The following FGF14 variants were observed in gnomAD, a reference collection of about 807,000 sequenced individuals.
FGF14 encodes fibroblast growth factor 14, also known as fibroblast growth factor homologous factor 4.
Under a neutral mutation model 25.5 loss-of-function variants are expected in FGF14, and 5 were observed. That is an observed-to-expected ratio of 0.20 (90% confidence interval 0.10 to 0.41). FGF14 has a LOEUF of 0.41. Among genes scored for constraint, FGF14 ranks in the 10% least tolerant of loss-of-function variants. The probability of loss-of-function intolerance (pLI) is 1.00; values close to 1 mark genes in which losing one functional copy is unlikely to be tolerated. For synonymous variants in FGF14, 138 were observed against 118.3 expected (o/e 1.17, Z -1.08); for missense variants, 222 against 320.1 (o/e 0.69, Z 2.34).
chr13:101,877,126 G>A (rs969218008), intron 1 of FGF14, among the ~76,000 whole-genome samples: 12 of 152,138 alleles, frequency 7.9e-5, no homozygotes, highest in African/African-American at 2.2e-4. Context: ...TAGATCAGGC[G>A]AGGCAGTGAG....
intron 1 of FGF14, among the ~76,000 whole-genome samples, chr13:102,061,416 A>G (rs1243476319): frequency 6.6e-6 from 1 of 152,240 alleles, no homozygotes; most frequent in Non-Finnish European, 1.5e-5. Context: ...CGTGGGGCAC[A>G]GAAGAAACGA....
rs2034808493 is a variant in FGF14, at chr13:101,718,560, T to C, written c.*4271A>G. 7.4e-6 allele frequency: 1 copy of C among 135,068 alleles called. No individual in the cohort carries two copies. Among genetic ancestry groups the C allele is most frequent in the South Asian group, 2.3e-4 (1 of 4,266 alleles). The allele number at this position is 135,068 out of a possible 1,614,324, so 8.4% of individuals were successfully genotyped here. A position where few individuals can be genotyped will look rare whatever the true frequency, so the allele number is the denominator to read the frequency against. On this transcript the variant is annotated 3_prime_UTR_variant, in exon 5 of 5. Transcript: ENST00000376143. The stretch of plus-strand genomic sequence containing the variant: ...GGTGTTGGCACTAACGCTGCTTGTT[T>C]GGCAAATCATCATCACTGAGGTATT...
At chr13:102,006,727 C>CTTTTTTTTTTT (rs774872814) in intron 1 of FGF14, among the ~76,000 whole-genome samples, 2 of 61,966 alleles carry the variant, frequency 3.2e-5, no homozygotes, top group African/African-American at 1.4e-4. Flanking sequence ...AATCTTACTT[C>CTTTTTTTTTTT]TTTTTTTTTT....
chr13:101,733,848 A>T (rs1249084258), intron 3 of FGF14, among the ~76,000 whole-genome samples: 1 of 151,466 alleles, frequency 6.6e-6, no homozygotes, highest in Non-Finnish European at 1.5e-5. Flanking sequence ...TTTATTAAAT[A>T]TTATATGTTA....
At chr13:101,996,590 C>T (rs1367680372) in intron 1 of FGF14, among the ~76,000 whole-genome samples, 1 of 152,146 alleles carries the variant, frequency 6.6e-6, no homozygotes, top group East Asian at 1.9e-4. Flanking sequence ...TGGTTGAAAT[C>T]TTGTCCCTGA....
chr13:102,052,461 CTGAAAATTTTTGAAAATT>C (rs1215803660), intron 1 of FGF14, among the ~76,000 whole-genome samples: 1 of 151,316 alleles, frequency 6.6e-6, no homozygotes, highest in Non-Finnish European at 1.5e-5. Context: ...AATTGGATTT[CTGAAAATTTTTGAAAATT>C]TGAAAAATTG....
At chr13:102,270,226 T>A (rs2053182149) in intron 1 of FGF14, among the ~76,000 whole-genome samples, 1 of 152,036 alleles carries the variant, frequency 6.6e-6, no homozygotes, top group Non-Finnish European at 1.5e-5. Flanking sequence ...ATATAGTAAA[T>A]GTCTTTCATC....
At chr13:101,991,221 T>C (rs901423510) in intron 1 of FGF14, among the ~76,000 whole-genome samples, 4 of 152,152 alleles carry the variant, frequency 2.6e-5, no homozygotes, top group Non-Finnish European at 5.9e-5. Context: ...TTTTTTAAAA[T>C]ACTGAATTGG....
chr13:101,974,423 A>G (rs2037800161), intron 1 of FGF14, among the ~76,000 whole-genome samples: 1 of 152,252 alleles, frequency 6.6e-6, no homozygotes, highest in African/African-American at 2.4e-5. Context: ...GTCATAAAAC[A>G]CACAAAACAT....
intron 1 of FGF14, among the ~76,000 whole-genome samples, chr13:102,040,037 T>C (rs2041656192): frequency 6.6e-6 from 1 of 152,098 alleles, no homozygotes; most frequent in Non-Finnish European, 1.5e-5. Context: ...CAAACCAAAC[T>C]ACAGGCCTCT....
intron 1 of FGF14, among the ~76,000 whole-genome samples, chr13:101,979,354 G>T (rs910114566): frequency 3.9e-5 from 6 of 152,190 alleles, no homozygotes; most frequent in South Asian, 2.1e-4. Context: ...GCTGTTTACT[G>T]ACATTTGCCC....
chr13:102,387,130 G>T (rs921592591), intron 1 of FGF14, among the ~76,000 whole-genome samples: 1 of 152,114 alleles, frequency 6.6e-6, no homozygotes, highest in Non-Finnish European at 1.5e-5. Context: ...TGAGAATAAG[G>T]CATTATTAGT....
intron 1 of FGF14, among the ~76,000 whole-genome samples, chr13:102,355,719 T>C (rs2057401938): frequency 6.6e-6 from 1 of 151,862 alleles, no homozygotes; most frequent in Non-Finnish European, 1.5e-5. Context: ...CAGTATAGTC[T>C]CCACCGTAGT....
At chr13:101,841,239 A>G (rs972761696) in intron 3 of FGF14, among the ~76,000 whole-genome samples, 1 of 151,934 alleles carries the variant, frequency 6.6e-6, no homozygotes, top group African/African-American at 2.4e-5. Context: ...TCATTGCATT[A>G]TGTTATCCAC....
At chr13:102,378,623 CTATCTATCTATA>C (rs1169068715) in intron 1 of FGF14, among the ~76,000 whole-genome samples, 1 of 124,264 alleles carries the variant, frequency 8.0e-6, no homozygotes, top group African/African-American at 4.0e-5. Flanking sequence ...ATCTATCTAT[CTATCTATCTATA>C]TATATATATA....
At chr13:101,748,056 G>A (rs1258128837) in intron 3 of FGF14, among the ~76,000 whole-genome samples, 1 of 151,862 alleles carries the variant, frequency 6.6e-6, no homozygotes, top group Non-Finnish European at 1.5e-5. Flanking sequence ...AAAACAGTAC[G>A]GAGATATCTC....
In FGF14 at chr13:101,723,268, A is replaced by AACACAC. The variant is rs36111495; in HGVS notation, c.608-307_608-302dup. Among the ~76,000 whole-genome samples, 1,096 of 150,134 alleles carry AACACAC rather than the reference A, an allele frequency of 7.3e-3. 13 individuals carry two copies. The highest frequency in any genetic ancestry group is 0.023 in the African/African-American group (962 of 40,944). ...GCCTCTTTGTGGGTCCATGATGTAA[A>AACACAC]ACACACACACACACACACACTATAG... On this transcript the variant is annotated intron_variant, in intron 4 of 4. Coordinates refer to ENST00000376143, the MANE Select transcript of FGF14 (RefSeq NM_004115.4).
intron 3 of FGF14, among the ~76,000 whole-genome samples, chr13:101,752,014 AT>A (rs1186887420): frequency 2.6e-5 from 4 of 151,922 alleles, no homozygotes; most frequent in Middle Eastern, 3.4e-3. Context: ...ACTGTGGAGA[AT>A]TTTTTTTTCT....
chr13:101,793,736 C>A (rs1003232845), intron 3 of FGF14, among the ~76,000 whole-genome samples: 8 of 152,112 alleles, frequency 5.3e-5, no homozygotes, highest in Non-Finnish European at 1.2e-4. Flanking sequence ...TGACCCATCA[C>A]TTCCTACACC....
Sources: allele counts gnomAD v4.1 joint callset (sites outside exome capture counted in the v4.1 genomes callset), GRCh38; gene constraint gnomAD v4.1.1; transcripts MANE v1.5; gene names NCBI Gene and HGNC (gene_info 2026-07-23, HGNC 2026-07-21).